TAF3: variants seen among roughly 807,000 people sequenced by gnomAD.
TAF3 encodes TATA-box binding protein associated factor 3.
In TAF3, 7 loss-of-function variants were observed where a neutral mutation model predicts 80.6. That is an observed-to-expected ratio of 0.09 (90% CI 0.05 to 0.16). The LOEUF is 0.16. TAF3 is among the 10% of genes least tolerant of loss of function. TAF3 has a pLI of 1.00. For synonymous variants in TAF3, 444 were observed against 446.1 expected (o/e 1.00, Z 0.06); for missense variants, 921 against 1,140.2 (o/e 0.81, Z 2.77).
intron 4 of TAF3, among the ~76,000 whole-genome samples, chr10:7,998,267 A>ATATG (rs1554788800): frequency 4.4e-5 from 2 of 45,922 alleles, no homozygotes; most frequent in African/African-American, 1.1e-4. Flanking sequence ...ATATATATGT[A>ATATG]TATATATATA....
chr10:7,854,352 G>GA lies in TAF3; in HGVS notation c.409+29794dup, dbSNP rs554081831. Among the ~76,000 whole-genome samples, 4 of 152,270 alleles carry GA rather than the reference G, an allele frequency of 2.6e-5. No homozygotes were observed. The South Asian group carries it at 8.3e-4, about 32-fold the overall frequency. On this transcript the variant is annotated intron_variant, in intron 2 of 6. Transcript: ENST00000344293. The stretch of plus-strand genomic sequence containing the variant: ...ACTGCCTACGTAAGATAACTGGAAG[G>GA]AATTATTTGCCCCAAAACAATTTCT...
intron 2 of TAF3, among the ~76,000 whole-genome samples, chr10:7,839,546 C>T (rs960322486): frequency 2.6e-5 from 4 of 152,122 alleles, no homozygotes; most frequent in Admixed American, 2.6e-4. Context: ...CAGTGGGATC[C>T]CAGGTTTCAT....
chr10:7,963,822 G>C, intron 2 of TAF3, 98 bp from the exon 3 acceptor site: 1 of 1,238,592 alleles, frequency 8.1e-7, no homozygotes, highest in Non-Finnish European at 1.1e-6. Flanking sequence ...AAAAAAGAAA[G>C]AAAAAAGAAA....
intron 2 of TAF3, among the ~76,000 whole-genome samples, chr10:7,834,732 A>G (rs1836834768): frequency 6.6e-6 from 1 of 152,168 alleles, no homozygotes; most frequent in African/African-American, 2.4e-5. Context: ...AATATTCCAT[A>G]ATTATTCATT....
At chr10:7,870,406 A>G (rs1161109295) in intron 2 of TAF3, among the ~76,000 whole-genome samples, 2 of 152,116 alleles carry the variant, frequency 1.3e-5, no homozygotes, top group Non-Finnish European at 2.9e-5. Flanking sequence ...TGCTTTCCTA[A>G]TTACTTTTGT....
chr10:7,959,144 A>T (rs1347741761), intron 2 of TAF3, among the ~76,000 whole-genome samples: 7 of 134,824 alleles, frequency 5.2e-5, no homozygotes, highest in East Asian at 2.7e-4. Flanking sequence ...TGTCTCACAC[A>T]CACACACACA....
rs191967589 is a variant in TAF3, at chr10:7,879,401, G to A, written c.409+54841G>A. ...ATTGATTATATATTTTATCTCATAA[G>A]GTTTTGAGTCAGAACTATTTTTATT... On this transcript the variant is annotated intron_variant, in intron 2 of 6. Coordinates refer to ENST00000344293, the MANE Select transcript of TAF3 (RefSeq NM_031923.4). Among the ~76,000 whole-genome samples, 6 of 152,186 alleles carry A rather than the reference G, an allele frequency of 3.9e-5. No homozygotes were observed. In the East Asian group the frequency reaches 1.2e-3, roughly 30 times the overall value.
intron 2 of TAF3, among the ~76,000 whole-genome samples, chr10:7,900,778 T>C (rs1422447816): frequency 3.9e-5 from 6 of 152,236 alleles, no homozygotes; most frequent in Admixed American, 2.6e-4. Flanking sequence ...ACTGTTTTAC[T>C]GAACTTTTTG....
intron 2 of TAF3, among the ~76,000 whole-genome samples, chr10:7,885,546 C>G (rs1279011267): frequency 6.6e-6 from 1 of 152,220 alleles, no homozygotes; most frequent in Non-Finnish European, 1.5e-5. Flanking sequence ...GCCCCATCCA[C>G]TGCTGTAGGC....
chr10:7,852,860 C>G (rs1010657324), intron 2 of TAF3, among the ~76,000 whole-genome samples: 1 of 152,184 alleles, frequency 6.6e-6, no homozygotes, highest in Non-Finnish European at 1.5e-5. Flanking sequence ...TGGATGAATG[C>G]TTGATCCCTT....
At chr10:7,927,734 G>A (rs926173255) in intron 2 of TAF3, among the ~76,000 whole-genome samples, 2 of 152,184 alleles carry the variant, frequency 1.3e-5, no homozygotes, top group Non-Finnish European at 2.9e-5. Flanking sequence ...GATAATATAT[G>A]TAGTTGATAA....
Position 7,964,207 on chromosome 10 carries a change from G to C in TAF3, c.697G>C (p.Val233Leu), listed in dbSNP as rs780979615. ...KIPPMLSPVH[V>L]QDSTDLAPPS... Reference sequence around the variant, plus strand: ...CCCACCAATGCTTTCTCCAGTCCATGTACAGGACAGTACAGACTTGGCACC... The same window carrying C: ...CCCACCAATGCTTTCTCCAGTCCATCTACAGGACAGTACAGACTTGGCACC... The change falls in exon 3 of 7, where the codon GTA becomes CTA. Residue 233 changes from valine to leucine, a missense_variant. Transcript: ENST00000344293. The surrounding 1 kb of genome is among the most constrained non-coding windows in gnomAD (Gnocchi z 4.1). The C allele has an allele frequency of 6.2e-7, 1 of 1,614,142 alleles. No individual in the cohort carries two copies. The highest frequency in any genetic ancestry group is 8.5e-7 in the Non-Finnish European group (1 of 1,180,022).
At chr10:7,834,415 A>G (rs987881270) in intron 2 of TAF3, among the ~76,000 whole-genome samples, 15 of 151,984 alleles carry the variant, frequency 9.9e-5, no homozygotes, top group Non-Finnish European at 5.9e-5. Context: ...ATTCTTCTGC[A>G]TATGGATATC....
chr10:7,873,892 T>C (rs572617135), intron 2 of TAF3, among the ~76,000 whole-genome samples: 1 of 152,352 alleles, frequency 6.6e-6, no homozygotes, highest in African/African-American at 2.4e-5. Context: ...GTTGGCACAT[T>C]TGTATTGAGC....
chr10:7,885,190 C>G (rs1265259729), intron 2 of TAF3, among the ~76,000 whole-genome samples: 1 of 150,898 alleles, frequency 6.6e-6, no homozygotes, highest in Non-Finnish European at 1.5e-5. Context: ...AATAATCAAG[C>G]CACTGAATTG....
chr10:7,940,897 T>G (rs1837969630), intron 2 of TAF3, among the ~76,000 whole-genome samples: 1 of 149,772 alleles, frequency 6.7e-6, no homozygotes, highest in Non-Finnish European at 1.5e-5. Flanking sequence ...AGTTTGAGGC[T>G]GCAGTGAGCT....
intron 2 of TAF3, among the ~76,000 whole-genome samples, chr10:7,949,098 C>T (rs973881315): frequency 6.6e-6 from 1 of 152,186 alleles, no homozygotes; most frequent in Non-Finnish European, 1.5e-5. Flanking sequence ...ATCGACTGCT[C>T]TTGATGATCC....
intron 4 of TAF3, among the ~76,000 whole-genome samples, chr10:7,983,792 T>C (rs1278978581): frequency 2.0e-5 from 3 of 152,052 alleles, no homozygotes. Flanking sequence ...TGAGCTGTCA[T>C]TGCACTGCTG....
At chr10:7,874,946 G>A (rs889051705) in intron 2 of TAF3, among the ~76,000 whole-genome samples, 4 of 151,924 alleles carry the variant, frequency 2.6e-5, no homozygotes, top group African/African-American at 7.2e-5. Flanking sequence ...TAGACTTCTA[G>A]TTTGGAATGT....
Sources: gnomAD v4.1 joint callset for allele counts (sites outside exome capture counted in the v4.1 genomes callset) on GRCh38, gnomAD v4.1.1 for gene constraint, Gnocchi (gnomAD v3.1) non-coding constraint, MANE v1.5 for transcripts, NCBI Gene and HGNC (gene_info 2026-07-23, HGNC 2026-07-21) for gene names.